NUP214: variants seen among roughly 807,000 people sequenced by gnomAD.
The protein encoded by NUP214 is nucleoporin 214, also known as nuclear pore complex protein Nup214.
NUP214 carries 79 observed loss-of-function variants against 196.2 expected under a neutral mutation model. The observed-to-expected ratio is 0.40, with a 90% confidence interval of 0.34 to 0.49. The LOEUF is 0.49. Among genes scored for constraint, NUP214 ranks in the 20% least tolerant of loss-of-function variants. The pLI, the probability that NUP214 is intolerant of heterozygous loss-of-function variation, is 0.58. For missense variants in NUP214, 2,468 were observed against 2,539.0 expected (o/e 0.97, Z 0.60); for synonymous variants, 1,020 against 990.5 (o/e 1.03, Z -0.56).
intron 28 of NUP214, among the ~76,000 whole-genome samples, chr9:131,196,214 A>G (rs1833785932): frequency 6.6e-6 from 1 of 151,872 alleles, no homozygotes; most frequent in South Asian, 2.1e-4. Flanking sequence ...GCTGGAGTGT[A>G]ATGGCGCAAT....
rs1261738843 is a variant in NUP214 at position 131,228,264 on chromosome 9, C to T, written c.6007C>T (p.Pro2003Ser). The change falls in exon 33 of 36, where the codon CCT becomes TCT. Residue 2003 changes from proline to serine, a missense_variant. This residue lies in a region of NUP214 where 262 missense variants were observed against 296.5 expected (regional missense o/e 0.88). Coordinates refer to ENST00000359428, the MANE Select transcript of NUP214 (RefSeq NM_005085.4). The stretch of plus-strand genomic sequence containing the variant: ...CGGTTCAGCCCCAGCCTTTACAAGC[C>T]CTCTGGGCTCGACGGGAGGCAAAGT... ...AFGSAPAFTS[P>S]LGSTGGKVFG... 3 of 1,604,856 alleles carry T rather than the reference C, an allele frequency of 1.9e-6. No individual in the cohort carries two copies. In the African/African-American group the frequency reaches 4.0e-5, roughly 22 times the overall value.
intron 21 of NUP214, among the ~76,000 whole-genome samples, chr9:131,166,401 A>G (rs533389565): frequency 6.6e-6 from 1 of 152,342 alleles, no homozygotes; most frequent in South Asian, 2.1e-4. Context: ...TTCAATAAAT[A>G]TGATTGCCTA....
intron 30 of NUP214, among the ~76,000 whole-genome samples, chr9:131,211,487 C>T (rs948758380): frequency 7.2e-5 from 11 of 152,152 alleles, no homozygotes; most frequent in African/African-American, 2.7e-4. Flanking sequence ...TGGCGTTTCC[C>T]ATGATCTGGT....
chr9:131,199,120 A>T (rs1833877740), intron 29 of NUP214, 105 bp downstream of exon 29: 1 of 1,368,488 alleles, frequency 7.3e-7, no homozygotes, highest in Non-Finnish European at 9.9e-7. Context: ...TCAAAACCCA[A>T]AAATAATCTG....
rs779212032 is a variant in NUP214 at position 131,187,367 on chromosome 9, AACTT to A, written c.3495+7_3495+10del. ...TGGCTGCTAACCAAGCCAAGCAGGT[AACTT>A]ACTGATTTTTACTTTTTTTTTTTTT... On this transcript the variant is annotated splice_donor_5th_base_variant and intron_variant, in intron 25 of 35. Coordinates refer to ENST00000359428, the MANE Select transcript of NUP214 (RefSeq NM_005085.4). The A allele has an allele frequency of 6.3e-7, 1 of 1,587,590 alleles. No homozygotes were observed. Among genetic ancestry groups the A allele is most frequent in the Non-Finnish European group, 8.6e-7 (1 of 1,159,884 alleles).
chr9:131,209,397 TTTA>T (rs529361906), intron 30 of NUP214, among the ~76,000 whole-genome samples: 41 of 152,212 alleles, frequency 2.7e-4, no homozygotes, highest in Admixed American at 2.3e-3. Flanking sequence ...GTCAAATTTA[TTTA>T]TTTATTTAGA....
Position 131,125,698 on chromosome 9 carries a change from C to T in NUP214, c.-7C>T. On this transcript the variant is annotated 5_prime_UTR_variant, in exon 1 of 36. Coordinates refer to ENST00000359428, the MANE Select transcript of NUP214 (RefSeq NM_005085.4). The surrounding 1 kb of genome is among the most constrained non-coding windows in gnomAD (Gnocchi z 4.1). ...GTTGGCTGCTTCGACACACTGAGGG[C>T]GGCGCGATGGGAGACGAGATGGATG... 1.3e-6 allele frequency: 2 copies of T among 1,550,898 alleles called. No individual in the cohort carries two copies. Among genetic ancestry groups the T allele is most frequent in the African/African-American group, 1.4e-5 (1 of 73,016 alleles).
rs866931558 is a variant in NUP214 at position 131,198,717 on chromosome 9, T to C, written c.5223T>C (p.Ser1741=). 4 of 1,614,232 alleles carry C rather than the reference T, an allele frequency of 2.5e-6. No individual in the cohort carries two copies. Among genetic ancestry groups the C allele is most frequent in the Middle Eastern group, 1.6e-4 (1 of 6,062 alleles). ...GGCAGTCGGCGAGCAGTGCTGCAAG[T>C]GTCTTTTCCTTCAGTCAGCCTGGGT... The part of the protein sequence containing the change: ...VFGQSASSAA[S]VFSFSQPGFS... Residue 1741 remains serine, a synonymous_variant, in exon 29 of 36, where the codon AGT becomes AGC. Transcript: ENST00000359428.
chr9:131,195,449 T>TA, intron 28 of NUP214, 155 bp downstream of exon 28: 1 of 511,692 alleles, frequency 2.0e-6, no homozygotes, highest in East Asian at 3.2e-5. Flanking sequence ...GAAATATGCT[T>TA]AATTTAAGAA....
chr9:131,213,397 G>A (rs1366306526), intron 30 of NUP214, among the ~76,000 whole-genome samples: 1 of 152,018 alleles, frequency 6.6e-6, no homozygotes, highest in Non-Finnish European at 1.5e-5. Flanking sequence ...CTGGTCTTGA[G>A]CTCCCGACCT....
Position 131,125,662 on chromosome 9 carries a change from T to TG in NUP214, c.-40dup, listed in dbSNP as rs1588117306. On this transcript the variant is annotated 5_prime_UTR_variant, in exon 1 of 36. Coordinates refer to ENST00000359428, the MANE Select transcript of NUP214 (RefSeq NM_005085.4). The surrounding 1 kb of genome is among the most constrained non-coding windows in gnomAD (Gnocchi z 4.1). ...GGCCTGGGTTCCGTGGGCAAGGCCG[T>TG]GGGAGGCAGCGTTGGCTGCTTCGAC... 1 of 1,545,034 alleles carries TG rather than the reference T, an allele frequency of 6.5e-7. No individual in the cohort carries two copies. Among genetic ancestry groups the TG allele is most frequent in the African/African-American group, 1.4e-5 (1 of 72,334 alleles).
intron 25 of NUP214, 24 bp downstream of exon 25, chr9:131,187,388 T>TAC: frequency 6.7e-7 from 1 of 1,490,452 alleles, no homozygotes; most frequent in Non-Finnish European, 9.2e-7. Context: ...TTTTACTTTT[T>TAC]TTTTTTTTTT....
At chr9:131,133,341 G>C (rs1343256285) in intron 7 of NUP214, 132 bp downstream of exon 7, 2 of 549,308 alleles carry the variant, frequency 3.6e-6, no homozygotes, top group Non-Finnish European at 6.0e-6. Flanking sequence ...ATCTCACTCT[G>C]TCGCCCAGGC....
At chr9:131,132,115 CTTTCTTTTTT>C (rs1437123206) in intron 5 of NUP214, among the ~76,000 whole-genome samples, 8 of 108,174 alleles carry the variant, frequency 7.4e-5, no homozygotes, top group Admixed American at 2.1e-4. Flanking sequence ...CTTTTCTTTT[CTTTCTTTTTT>C]TTTTTTTTTT....
At chr9:131,194,691 G>C (rs72768589) in intron 27 of NUP214, among the ~76,000 whole-genome samples, 1 of 152,166 alleles carries the variant, frequency 6.6e-6, no homozygotes, top group African/African-American at 2.4e-5. Context: ...TTTCCTAGCC[G>C]TAAAACTCAG....
chr9:131,178,807 C>T (rs1833186800), intron 24 of NUP214, among the ~76,000 whole-genome samples: 1 of 151,856 alleles, frequency 6.6e-6, no homozygotes, highest in Admixed American at 6.6e-5. Flanking sequence ...CACTCTCCTC[C>T]CTCACTTCCC....
intron 12 of NUP214, among the ~76,000 whole-genome samples, chr9:131,145,285 G>A (rs1381430612): frequency 6.6e-6 from 1 of 152,076 alleles, no homozygotes; most frequent in East Asian, 1.9e-4. Context: ...GGGTCGGGCA[G>A]CTCACTCATT....
At chr9:131,178,824 A>G (rs1833187428) in intron 24 of NUP214, among the ~76,000 whole-genome samples, 1 of 151,090 alleles carries the variant, frequency 6.6e-6, no homozygotes, top group African/African-American at 2.4e-5. Context: ...TCCCTTCTCC[A>G]GGCATTTCTG....
chr9:131,169,390 C>T (rs1441238179), intron 21 of NUP214, among the ~76,000 whole-genome samples: 3 of 152,080 alleles, frequency 2.0e-5, no homozygotes, highest in Non-Finnish European at 4.4e-5. Flanking sequence ...TGCCTGTAAT[C>T]CCAGCTGTTT....
Sources: allele counts gnomAD v4.1 joint callset (sites outside exome capture counted in the v4.1 genomes callset), GRCh38; gene constraint gnomAD v4.1.1; regional missense constraint gnomAD v4.1.1; non-coding constraint Gnocchi (gnomAD v3.1); transcripts MANE v1.5; gene names NCBI Gene and HGNC (gene_info 2026-07-23, HGNC 2026-07-21).